The following BCAS3 variants were observed in gnomAD, a reference collection of about 807,000 sequenced individuals.
BCAS3 encodes BCAS3 microtubule associated cell migration factor.
In BCAS3, 53 loss-of-function variants were observed where a neutral mutation model predicts 116.1. The ratio of observed to expected loss-of-function variants is 0.46; its 90% CI spans 0.37 to 0.57. BCAS3 has a LOEUF of 0.57. BCAS3 is among the 20% of genes least tolerant of loss of function. The pLI is 0.00. For synonymous variants in BCAS3, 391 were observed against 408.2 expected (o/e 0.96, Z 0.51); for missense variants, 917 against 1,165.4 (o/e 0.79, Z 3.10).
chr17:60,693,989 C>T (rs764319367), intron 4 of BCAS3, among the ~76,000 whole-genome samples: 1 of 147,534 alleles, frequency 6.8e-6, no homozygotes, highest in Non-Finnish European at 1.5e-5. Flanking sequence ...GGGTTCATGT[C>T]ATTCTCCTGC....
At position 61,077,618 on chromosome 17, in the gene BCAS3, T is replaced by C. The variant is rs2072150028; in HGVS notation, c.2131-715T>C. Among the ~76,000 whole-genome samples, 1 of 152,226 alleles carries C rather than the reference T, an allele frequency of 6.6e-6. No homozygotes were observed. Among genetic ancestry groups the C allele is most frequent in the African/African-American group, 2.4e-5 (1 of 41,462 alleles). On this transcript the variant is annotated intron_variant, in intron 20 of 23. Coordinates refer to ENST00000407086, the MANE Select transcript of BCAS3 (RefSeq NM_017679.5). The surrounding 1 kb of genome is among the most constrained non-coding windows in gnomAD (Gnocchi z 4.3). ...ATAAAGCATTTTGGTATTACTGTTTTGTAGCACATCAAATGCCTGTGTCGA... is the reference window on the plus strand; with the variant it reads ...ATAAAGCATTTTGGTATTACTGTTTCGTAGCACATCAAATGCCTGTGTCGA...
chr17:61,164,672 T>C (rs1196172612), intron 22 of BCAS3, among the ~76,000 whole-genome samples: 1 of 152,156 alleles, frequency 6.6e-6, no homozygotes, highest in Non-Finnish European at 1.5e-5. Context: ...CCTTCCATCT[T>C]CCACCATAGA....
At chr17:61,389,141 C>T (rs550777585) in intron 23 of BCAS3, 57 of 174,994 alleles carry the variant, frequency 3.3e-4, no homozygotes, top group African/African-American at 1.0e-3. Flanking sequence ...GTCAGCACAG[C>T]GCAGGGTAGG....
chr17:60,878,828 C>T (rs1040433844), intron 9 of BCAS3, among the ~76,000 whole-genome samples: 15 of 151,962 alleles, frequency 9.9e-5, no homozygotes, highest in African/African-American at 2.7e-4. Context: ...GGAATTTGGC[C>T]GATTTTCTTT....
Position 60,957,622 on chromosome 17 carries a change from A to T in BCAS3, c.1221+10270A>T, listed in dbSNP as rs146807826. Reference sequence around the variant, plus strand: ...AGTTTGCATATCATCACTAGTATCTAATTTCAGGACATTTTTGTAATCCTT... The same window carrying T: ...AGTTTGCATATCATCACTAGTATCTTATTTCAGGACATTTTTGTAATCCTT... On this transcript the variant is annotated intron_variant, in intron 14 of 23. Coordinates refer to ENST00000407086, the MANE Select transcript of BCAS3 (RefSeq NM_017679.5). Among the ~76,000 whole-genome samples the T allele has an allele frequency of 5.3e-5, 8 of 152,280 alleles. No individual in the cohort carries two copies. In the East Asian group the frequency reaches 1.5e-3, roughly 29 times the overall value.
intron 22 of BCAS3, among the ~76,000 whole-genome samples, chr17:61,111,798 G>A (rs951876796): frequency 1.9e-4 from 21 of 111,814 alleles, no homozygotes; most frequent in African/African-American, 5.9e-4. Context: ...ATTCACCAAA[G>A]TTGAAATGAA....
chr17:60,914,932 G>T (rs1360654082), intron 12 of BCAS3, among the ~76,000 whole-genome samples: 2 of 152,100 alleles, frequency 1.3e-5, no homozygotes, highest in African/African-American at 4.8e-5. Context: ...CAGATTTTCA[G>T]CTGTGCAGGG....
At chr17:60,859,168 A>G (rs1449937266) in intron 7 of BCAS3, among the ~76,000 whole-genome samples, 2 of 152,208 alleles carry the variant, frequency 1.3e-5, no homozygotes, top group Non-Finnish European at 2.9e-5. Context: ...AGAGTTAGCA[A>G]GAAAAACTTG....
At position 61,037,669 on chromosome 17, in the gene BCAS3, G is replaced by C. The variant is rs571566288; in HGVS notation, c.1763-220G>C. On this transcript the variant is annotated intron_variant, in intron 17 of 23. Transcript: ENST00000407086. The surrounding 1 kb of genome is among the most constrained non-coding windows in gnomAD (Gnocchi z 4.7). The stretch of plus-strand genomic sequence containing the variant: ...AGCCTGTAATCCCAGCTACTCAAGA[G>C]GCTGAGGCGGGAGAACCATTTGAAC... 5.9e-5 allele frequency among the ~76,000 whole-genome samples: 9 copies of C among 152,284 alleles called. No individual in the cohort carries two copies. In the South Asian group the frequency reaches 1.7e-3, roughly 28 times the overall value.
intron 16 of BCAS3, among the ~76,000 whole-genome samples, chr17:61,024,120 A>G (rs1209136846): frequency 2.6e-5 from 4 of 152,128 alleles, no homozygotes; most frequent in Non-Finnish European, 5.9e-5. Flanking sequence ...CAGCTGGATC[A>G]TGGATTTGTA....
intron 15 of BCAS3, among the ~76,000 whole-genome samples, chr17:60,992,218 A>G (rs888695359): frequency 9.9e-5 from 15 of 151,314 alleles, no homozygotes; most frequent in Admixed American, 3.3e-4. Context: ...ACACACACAC[A>G]CACACACACA....
In BCAS3 at chr17:61,244,450, G is replaced by A. The variant is rs2144516339; in HGVS notation, c.2426-123877G>A. On this transcript the variant is annotated intron_variant, in intron 22 of 23. Transcript: ENST00000407086. The surrounding 1 kb of genome is among the most constrained non-coding windows in gnomAD (Gnocchi z 4.9). ...AGACAGTTTGGAAACAGGGTGACTA[G>A]AAGTCAACAAAAATATGTGTTACAA... Among the ~76,000 whole-genome samples, 1 of 152,274 alleles carries A rather than the reference G, an allele frequency of 6.6e-6. No homozygotes were observed. The highest frequency in any genetic ancestry group is 2.1e-4 in the South Asian group (1 of 4,830).
At chr17:61,163,998 A>G (rs1459784531) in intron 22 of BCAS3, among the ~76,000 whole-genome samples, 1 of 2,430 alleles carries the variant, frequency 4.1e-4, no homozygotes, top group Admixed American at 8.3e-3. Context: ...ACTCCATCTC[A>G]AAAAAAAAAA....
chr17:61,261,050 T>C lies in BCAS3; in HGVS notation c.2426-107277T>C, dbSNP rs115956069. On this transcript the variant is annotated intron_variant, in intron 22 of 23. Coordinates refer to ENST00000407086, the MANE Select transcript of BCAS3 (RefSeq NM_017679.5). This position sits in a 1 kb window ranked among gnomAD's most constrained non-coding sequence, Gnocchi z 4.4. ...GAAATTATTTAAAGGGTGAATGCTC[T>C]CCCAAACTATCATCAAACGCATTTA... 1.4e-3 allele frequency among the ~76,000 whole-genome samples: 206 copies of C among 152,312 alleles called. No individual in the cohort carries two copies. Among genetic ancestry groups the C allele is most frequent in the African/African-American group, 4.9e-3 (202 of 41,558 alleles).
chr17:60,924,003 G>A (rs115309414), intron 12 of BCAS3, among the ~76,000 whole-genome samples: 6 of 152,194 alleles, frequency 3.9e-5, no homozygotes, highest in African/African-American at 1.4e-4. Flanking sequence ...TTCAATAAGG[G>A]GCAAAAAATT....
At chr17:61,319,162 C>T (rs944526550) in intron 22 of BCAS3, among the ~76,000 whole-genome samples, 1 of 152,222 alleles carries the variant, frequency 6.6e-6, no homozygotes, top group Non-Finnish European at 1.5e-5. Context: ...CCCGGGCCTA[C>T]ACCCCTCGCT....
chr17:61,338,391 C>T (rs1307862156), intron 22 of BCAS3, among the ~76,000 whole-genome samples: 2 of 152,046 alleles, frequency 1.3e-5, no homozygotes, highest in African/African-American at 2.4e-5. Context: ...TGTAAAGTTA[C>T]CAGAGTCGCT....
rs1185838040 is a variant in BCAS3, at chr17:61,377,532, T to G, written c.2593+9038T>G. 6.6e-6 allele frequency among the ~76,000 whole-genome samples: 1 copy of G among 152,184 alleles called. No individual in the cohort carries two copies. The highest frequency in any genetic ancestry group is 6.5e-5 in the Admixed American group (1 of 15,272). ...TTTTCGATGGGATTTGAAGCCCTCA[T>G]CAAGCAATGGGGTAAACCTGTGACC... is the stretch of plus-strand genomic sequence containing the variant. On this transcript the variant is annotated intron_variant, in intron 23 of 23. Coordinates refer to ENST00000407086, the MANE Select transcript of BCAS3 (RefSeq NM_017679.5). This position sits in a 1 kb window ranked among gnomAD's most constrained non-coding sequence, Gnocchi z 4.6.
intron 6 of BCAS3, among the ~76,000 whole-genome samples, chr17:60,756,172 A>G (rs1205183938): frequency 6.6e-6 from 1 of 152,176 alleles, no homozygotes. Context: ...ATCAGGCATT[A>G]GTTAGATTCT....
Sources: allele counts gnomAD v4.1 joint callset (sites outside exome capture counted in the v4.1 genomes callset), GRCh38; gene constraint gnomAD v4.1.1; non-coding constraint Gnocchi (gnomAD v3.1); transcripts MANE v1.5; gene names NCBI Gene and HGNC (gene_info 2026-07-23, HGNC 2026-07-21).